The following PDE3B variants were observed in gnomAD, a reference collection of about 807,000 sequenced individuals.
The protein encoded by PDE3B is cGMP-inhibited 3',5'-cyclic phosphodiesterase 3B.
In PDE3B, 66 loss-of-function variants were observed where a neutral mutation model predicts 116.8. The ratio of observed to expected loss-of-function variants is 0.56; its 90% CI spans 0.46 to 0.69. The LOEUF (loss-of-function observed/expected upper bound fraction) is 0.69, where lower values mean the gene tolerates loss of function less well. PDE3B is among the 30% of genes least tolerant of loss of function. The pLI, the probability that PDE3B is intolerant of heterozygous loss-of-function variation, is 0.00. For synonymous variants in PDE3B, 595 were observed against 533.6 expected (o/e 1.12, Z -1.59); for missense variants, 1,384 against 1,368.1 (o/e 1.01, Z -0.18).
the PDE3B span, chr11:14,880,690 T>C: frequency 1.3e-6 from 2 of 1,595,926 alleles, no homozygotes; most frequent in East Asian, 2.2e-5. Flanking sequence ...CTTTTGGCCA[T>C]ATCCAAAATA....
intron 12 of PDE3B, among the ~76,000 whole-genome samples, chr11:14,846,145 C>T (rs1847596693): frequency 6.6e-6 from 1 of 152,182 alleles, no homozygotes; most frequent in Non-Finnish European, 1.5e-5. Flanking sequence ...GATCTCTCAG[C>T]AGAAACTCTA....
chr11:14,644,349 C>G lies in PDE3B; in HGVS notation c.274C>G (p.Leu92Val), dbSNP rs745735830. The change falls in exon 1 of 16, where the codon CTG becomes GTG. Residue 92 changes from leucine to valine, a missense_variant. By Grantham distance (32) the Leu-to-Val change is conservative. Transcript: ENST00000282096. ...CGCCCTGGCTGCCTTTGTCCTCGCC[C>G]TGCTGCTGGGCGCGGAACCCGAGAG... ...LGALAAFVLA[L>V]LLGAEPESWA... 5 of 1,590,774 alleles carry G rather than the reference C, an allele frequency of 3.1e-6. No homozygotes were observed. The African/African-American group carries it at 5.4e-5, about 17-fold the overall frequency.
intron 1 of PDE3B, among the ~76,000 whole-genome samples, chr11:14,714,727 T>C (rs1340780974): frequency 6.6e-6 from 1 of 152,118 alleles, no homozygotes; most frequent in African/African-American, 2.4e-5. Flanking sequence ...CACATAGCTA[T>C]TGAGTCCTTG....
chr11:14,880,733 C>G, the PDE3B span: 14 of 1,606,002 alleles, frequency 8.7e-6, no homozygotes, highest in South Asian at 1.6e-4. Context: ...CGTCTGTGAT[C>G]AACCCATCCT....
At chr11:14,704,201 G>A (rs925242233) in intron 1 of PDE3B, among the ~76,000 whole-genome samples, 8 of 151,616 alleles carry the variant, frequency 5.3e-5, no homozygotes, top group African/African-American at 1.9e-4. Flanking sequence ...TTAATGGTTA[G>A]AATTATGTTA....
intron 1 of PDE3B, among the ~76,000 whole-genome samples, chr11:14,672,554 A>T (rs1411906171): frequency 6.6e-6 from 1 of 152,174 alleles, no homozygotes; most frequent in Non-Finnish European, 1.5e-5. Context: ...TGTTAACAAG[A>T]GACAAATATA....
At chr11:14,683,458 T>G (rs1055987951) in intron 1 of PDE3B, among the ~76,000 whole-genome samples, 2 of 152,136 alleles carry the variant, frequency 1.3e-5, no homozygotes, top group Admixed American at 1.3e-4. Flanking sequence ...TGAATTTATG[T>G]GTAAAGTGTT....
chr11:14,669,753 G>C (rs1010344796), intron 1 of PDE3B, among the ~76,000 whole-genome samples: 1 of 151,876 alleles, frequency 6.6e-6, no homozygotes, highest in African/African-American at 2.4e-5. Context: ...ATTTTTTTAA[G>C]GACACAGTAT....
chr11:14,807,232 T>G (rs1241963522), intron 5 of PDE3B, among the ~76,000 whole-genome samples: 3 of 152,174 alleles, frequency 2.0e-5, no homozygotes, highest in African/African-American at 7.2e-5. Context: ...ATTGTGCACA[T>G]GTACCCTAGA....
At chr11:14,850,835 GT>G (rs1183066420) in intron 12 of PDE3B, among the ~76,000 whole-genome samples, 1 of 151,962 alleles carries the variant, frequency 6.6e-6, no homozygotes, top group Non-Finnish European at 1.5e-5. Context: ...GTTTTGCTTT[GT>G]TTTGTTTTTT....
rs1436557190 is a variant in PDE3B, at chr11:14,871,972, G to A, written c.*2312G>A. 1.3e-5 allele frequency: 2 copies of A among 152,108 alleles called. No individual in the cohort carries two copies. Among genetic ancestry groups the A allele is most frequent in the African/African-American group, 4.8e-5 (2 of 41,422 alleles). 9.4% of individuals were successfully genotyped at this position (152,108 alleles called of 1,614,324 possible). A position where few individuals can be genotyped will look rare whatever the true frequency, so the allele number is the denominator to read the frequency against. Reference sequence around the variant, plus strand: ...TCTATTTTTAAAGCCGCTGGTACTAGAAATATTCTTTTAATGCTATATCTA... The same window carrying A: ...TCTATTTTTAAAGCCGCTGGTACTAAAAATATTCTTTTAATGCTATATCTA... On this transcript the variant is annotated 3_prime_UTR_variant, in exon 16 of 16. Transcript: ENST00000282096.
At chr11:14,708,653 C>T (rs1010055782) in intron 1 of PDE3B, among the ~76,000 whole-genome samples, 7 of 151,680 alleles carry the variant, frequency 4.6e-5, no homozygotes, top group East Asian at 3.9e-4. Context: ...TTTCTGGAGT[C>T]GATAACTATA....
chr11:14,830,992 T>A, intron 8 of PDE3B, 146 bp downstream of exon 8: 1 of 406,320 alleles, frequency 2.5e-6, no homozygotes, highest in Non-Finnish European at 4.3e-6. Flanking sequence ...ACTGAAATAT[T>A]GCTTGGGTTA....
At chr11:14,848,437 G>A (rs1304640069) in intron 12 of PDE3B, among the ~76,000 whole-genome samples, 1 of 151,016 alleles carries the variant, frequency 6.6e-6, no homozygotes, top group Non-Finnish European at 1.5e-5. Context: ...ACAAGACAGG[G>A]ATGCCCTCTC....
At chr11:14,879,003 T>A in the PDE3B span, 13 of 885,070 alleles carry the variant, frequency 1.5e-5, no homozygotes, top group East Asian at 2.6e-5. Flanking sequence ...TCTGTGTTTT[T>A]AGAATTGGGA....
chr11:14,845,144 C>A (rs1321432619), intron 12 of PDE3B, among the ~76,000 whole-genome samples: 1 of 151,942 alleles, frequency 6.6e-6, no homozygotes, highest in Non-Finnish European at 1.5e-5. Flanking sequence ...GACAAAACTT[C>A]CAGAGGAACG....
At chr11:14,885,466 C>G in the PDE3B span, among the ~76,000 whole-genome samples, 2 of 152,136 alleles carry the variant, frequency 1.3e-5, no homozygotes, top group African/African-American at 4.8e-5. Flanking sequence ...AAGGGCACTT[C>G]GGATTCAAGT....
intron 1 of PDE3B, among the ~76,000 whole-genome samples, chr11:14,740,453 T>C (rs763041076): frequency 1.3e-5 from 2 of 152,232 alleles, no homozygotes; most frequent in Non-Finnish European, 2.9e-5. Context: ...TGATATCCCC[T>C]GTATCATTTT....
chr11:14,886,588 T>C, the PDE3B span: 6 of 152,912 alleles, frequency 3.9e-5, no homozygotes, highest in East Asian at 1.2e-3. Context: ...GCTGGAGTTG[T>C]CTGCCCTGTG....
Sources: allele counts gnomAD v4.1 joint callset (sites outside exome capture counted in the v4.1 genomes callset), GRCh38; gene constraint gnomAD v4.1.1; transcripts MANE v1.5; gene names NCBI Gene and HGNC (gene_info 2026-07-23, HGNC 2026-07-21).